Variants in KLHL6 observed in about 807,000 individuals in gnomAD.
The protein encoded by KLHL6 is kelch like family member 6.
In KLHL6, 41 loss-of-function variants were observed where a neutral mutation model predicts 58.6. The ratio of observed to expected loss-of-function variants is 0.70; its 90% CI spans 0.55 to 0.91. The LOEUF (loss-of-function observed/expected upper bound fraction) is 0.91, where lower values mean the gene tolerates loss of function less well. Ranked by LOEUF, KLHL6 falls within the 40% of genes least tolerant of loss-of-function variation. The pLI is 0.00. For synonymous variants in KLHL6, 338 were observed against 322.7 expected (o/e 1.05, Z -0.51); for missense variants, 714 against 805.6 (o/e 0.89, Z 1.38).
chr3:183,546,506 A>T (rs568977925), intron 1 of KLHL6, among the ~76,000 whole-genome samples: 2 of 152,194 alleles, frequency 1.3e-5, no homozygotes, highest in African/African-American at 4.8e-5. Context: ...AGTCCTCCCC[A>T]CAGGAGTCCT....
intron 1 of KLHL6, among the ~76,000 whole-genome samples, chr3:183,540,597 G>A (rs1467207141): frequency 6.6e-6 from 1 of 152,022 alleles, no homozygotes; most frequent in Non-Finnish European, 1.5e-5. Flanking sequence ...TTTGAGACAA[G>A]ATCTCTCTGT....
intron 1 of KLHL6, among the ~76,000 whole-genome samples, chr3:183,549,473 T>C (rs1474172855): frequency 6.6e-6 from 1 of 152,234 alleles, no homozygotes; most frequent in Non-Finnish European, 1.5e-5. Flanking sequence ...TGTAAAGTTT[T>C]TTGTAACTTA....
chr3:183,536,941 T>C (rs943998828), intron 1 of KLHL6, among the ~76,000 whole-genome samples: 1 of 152,132 alleles, frequency 6.6e-6, no homozygotes, highest in Non-Finnish European at 1.5e-5. Flanking sequence ...AGAAAGAAAG[T>C]GCCCTCAAGA....
At chr3:183,519,708 G>C (rs532591116) in intron 2 of KLHL6, among the ~76,000 whole-genome samples, 2 of 151,718 alleles carry the variant, frequency 1.3e-5, no homozygotes, top group South Asian at 2.1e-4. Flanking sequence ...GCAACAGAGA[G>C]AGACTTTGTC....
rs561836533 is a variant in KLHL6 at position 183,553,679 on chromosome 3, G to C, written c.293+1682C>G. ...CCCATGGAATGAAGTCCCAGACCTA[G>C]TGGCAGCTTGCATTGCAGTAACAAG... is the stretch of plus-strand genomic sequence containing the variant. On this transcript the variant is annotated intron_variant, in intron 1 of 6. Transcript: ENST00000341319. 2.6e-5 allele frequency among the ~76,000 whole-genome samples: 4 copies of C among 152,302 alleles called. No homozygotes were observed. In the South Asian group the frequency reaches 8.3e-4, roughly 32 times the overall value.
Position 183,508,460 on chromosome 3 carries a change from T to C in KLHL6, c.508A>G (p.Asn170Asp), listed in dbSNP as rs746528283. ...ACASFLTEAL[N>D]PENCVGILRL... The stretch of plus-strand genomic sequence containing the variant: ...AGTATTCCAACGCAGTTTTCTGGGT[T>C]CAAGGCTTCAGTGAGGAAGCTGGCA... Residue 170 changes from asparagine (N) to aspartate (D), a missense_variant, in exon 3 of 7, where the codon AAC becomes GAC. Around this residue, in one of 2 missense-constraint regions of KLHL6, gnomAD observed 510 missense variants for 629.7 expected, o/e 0.81. Coordinates refer to ENST00000341319, the MANE Select transcript of KLHL6 (RefSeq NM_130446.4). The C allele has an allele frequency of 1.4e-5, 22 of 1,614,186 alleles. No individual in the cohort carries two copies. Among genetic ancestry groups the C allele is most frequent in the Non-Finnish European group, 1.7e-5 (20 of 1,180,036 alleles).
chr3:183,502,028 G>A (rs576267453), intron 3 of KLHL6, among the ~76,000 whole-genome samples: 4 of 152,134 alleles, frequency 2.6e-5, no homozygotes, highest in Non-Finnish European at 5.9e-5. Flanking sequence ...AGTGGCTCAC[G>A]CCTGCAATCC....
At chr3:183,509,976 G>A (rs1405655891) in intron 2 of KLHL6, among the ~76,000 whole-genome samples, 1 of 151,980 alleles carries the variant, frequency 6.6e-6, no homozygotes, top group Non-Finnish European at 1.5e-5. Context: ...AAATCAATTT[G>A]TAAAATTATT....
chr3:183,513,158 C>T (rs60957029), intron 2 of KLHL6, among the ~76,000 whole-genome samples: 7,882 of 152,002 alleles, frequency 0.052, 528 homozygotes, highest in East Asian at 0.19. Flanking sequence ...TTTTAAAGGA[C>T]GCAATGAGAA....
At chr3:183,512,332 T>C (rs1718212852) in intron 2 of KLHL6, among the ~76,000 whole-genome samples, 1 of 152,228 alleles carries the variant, frequency 6.6e-6, no homozygotes, top group Admixed American at 6.5e-5. Context: ...CTGATAACAG[T>C]AGTTGTTTCT....
At position 183,540,696 on chromosome 3, in the gene KLHL6, AC is replaced by A. The variant is rs1042985712; in HGVS notation, c.294-12687del. On this transcript the variant is annotated intron_variant, in intron 1 of 6. Coordinates refer to ENST00000341319, the MANE Select transcript of KLHL6 (RefSeq NM_130446.4). ...TGAGACTGCAGGCACACGCCACCAC[AC>A]CCGGCCCCATTGATGATTACCCTAA... is the stretch of plus-strand genomic sequence containing the variant. Among the ~76,000 whole-genome samples, 11 of 152,090 alleles carry A rather than the reference AC, an allele frequency of 7.2e-5. No individual in the cohort carries two copies. The East Asian group carries it at 7.7e-4, about 11-fold the overall frequency.
rs117609921 is a variant in KLHL6, at chr3:183,540,724, C to A, written c.294-12714G>T. Among the ~76,000 whole-genome samples the A allele has an allele frequency of 1.6e-4, 24 of 152,316 alleles. No homozygotes were observed. In the East Asian group the frequency reaches 3.5e-3, roughly 22 times the overall value. On this transcript the variant is annotated intron_variant, in intron 1 of 6. Transcript: ENST00000341319. Reference sequence around the variant, plus strand: ...CGGCCCCATTGATGATTACCCTAAGCTCTCCTACCTGAGAGTTTAACTTAC... The same window carrying A: ...CGGCCCCATTGATGATTACCCTAAGATCTCCTACCTGAGAGTTTAACTTAC...
chr3:183,519,095 A>G (rs1057432469), intron 2 of KLHL6, among the ~76,000 whole-genome samples: 4 of 152,160 alleles, frequency 2.6e-5, no homozygotes, highest in African/African-American at 9.7e-5. Flanking sequence ...AGATGAGATG[A>G]GAGTGTATTG....
intron 1 of KLHL6, chr3:183,548,827 G>C (rs1712811392): frequency 6.7e-6 from 1 of 148,368 alleles, no homozygotes; most frequent in African/African-American, 2.6e-5. Context: ...AAAAAGGAAT[G>C]AGTTCATGTC....
At chr3:183,531,484 C>T (rs1314408557) in intron 1 of KLHL6, among the ~76,000 whole-genome samples, 1 of 116,140 alleles carries the variant, frequency 8.6e-6, no homozygotes, top group Non-Finnish European at 1.6e-5. Flanking sequence ...GAGTCTCACT[C>T]TGTCTCCCAG....
At chr3:183,515,681 G>A (rs1414215913) in intron 2 of KLHL6, among the ~76,000 whole-genome samples, 1 of 152,172 alleles carries the variant, frequency 6.6e-6, no homozygotes, top group Non-Finnish European at 1.5e-5. Context: ...CCTCCTCTGT[G>A]CTCCACTGGG....
chr3:183,534,262 G>A (rs1323362600), intron 1 of KLHL6, among the ~76,000 whole-genome samples: 2 of 150,000 alleles, frequency 1.3e-5, no homozygotes, highest in African/African-American at 5.0e-5. Context: ...TTTCTTCTCA[G>A]CTCAGCATAT....
At chr3:183,540,265 C>G (rs1304524366) in intron 1 of KLHL6, among the ~76,000 whole-genome samples, 2 of 152,156 alleles carry the variant, frequency 1.3e-5, no homozygotes, top group Non-Finnish European at 2.9e-5. Flanking sequence ...TGCTGGCTAC[C>G]TGCTTGTCCT....
intron 1 of KLHL6, among the ~76,000 whole-genome samples, chr3:183,544,142 G>A (rs895696038): frequency 3.3e-5 from 4 of 120,080 alleles, no homozygotes; most frequent in South Asian, 5.3e-4. Flanking sequence ...CAGCCTGGGC[G>A]ACAAGAGCGA....
Sources: gnomAD v4.1 joint callset for allele counts (sites outside exome capture counted in the v4.1 genomes callset) on GRCh38, gnomAD v4.1.1 for gene constraint, gnomAD v4.1.1 regional missense constraint, MANE v1.5 for transcripts, NCBI Gene and HGNC (gene_info 2026-07-23, HGNC 2026-07-21) for gene names.